ATP2C2: variants seen among roughly 807,000 people sequenced by gnomAD.
The protein encoded by ATP2C2 is ATPase secretory pathway Ca2+ transporting 2, also known as calcium-transporting ATPase type 2C member 2.
In ATP2C2, 171 loss-of-function variants were observed where a neutral mutation model predicts 110.8. The observed-to-expected ratio is 1.54, with a 90% CI of 1.36 to 1.75. The LOEUF (loss-of-function observed/expected upper bound fraction) is 1.75, where lower values mean the gene tolerates loss of function less well. Ranked by LOEUF, ATP2C2 falls within the 40% of genes most tolerant of loss-of-function variation. The pLI, the probability that ATP2C2 is intolerant of heterozygous loss-of-function variation, is 0.00. For synonymous variants in ATP2C2, 804 were observed against 508.4 expected (o/e 1.58, Z -7.82); for missense variants, 1,963 against 1,235.0 (o/e 1.59, Z -8.84).
At chr16:84,413,877 G>A (rs952026101) in intron 6 of ATP2C2, among the ~76,000 whole-genome samples, 1 of 152,132 alleles carries the variant, frequency 6.6e-6, no homozygotes, top group Non-Finnish European at 1.5e-5. Context: ...AGGGCACTGA[G>A]GTTATACAAG....
intron 21 of ATP2C2, 116 bp from the exon 22 acceptor site, chr16:84,459,004 G>C: frequency 8.8e-7 from 1 of 1,136,456 alleles, no homozygotes; most frequent in South Asian, 1.3e-5. Context: ...AACCAGCAGG[G>C]GCCCAAGTAT....
intron 1 of ATP2C2, among the ~76,000 whole-genome samples, chr16:84,371,239 G>A (rs4782617): frequency 0.052 from 7,905 of 152,226 alleles, 280 homozygotes; most frequent in Middle Eastern, 0.12. Flanking sequence ...TGTTTGAGCC[G>A]GGCGCAGTGG....
At chr16:84,459,704 C>A in intron 23 of ATP2C2, 1 of 923,014 alleles carries the variant, frequency 1.1e-6, no homozygotes, top group Non-Finnish European at 1.6e-6. Flanking sequence ...GGAAGTCTTC[C>A]CTGATTGCAC....
At chr16:84,382,679 A>T (rs1019701985) in intron 1 of ATP2C2, among the ~76,000 whole-genome samples, 2 of 152,290 alleles carry the variant, frequency 1.3e-5, no homozygotes, top group South Asian at 2.1e-4. Context: ...GGATCACTTG[A>T]GGTCAAAAGT....
At chr16:84,429,750 G>A (rs1389804258) in intron 11 of ATP2C2, among the ~76,000 whole-genome samples, 2 of 152,114 alleles carry the variant, frequency 1.3e-5, no homozygotes, top group Non-Finnish European at 2.9e-5. Flanking sequence ...ATGTGATGAG[G>A]CCTTGGAGGA....
At chr16:84,405,405 A>G (rs1425519450) in intron 3 of ATP2C2, among the ~76,000 whole-genome samples, 161 bp downstream of exon 3, 1 of 151,032 alleles carries the variant, frequency 6.6e-6, no homozygotes, top group Non-Finnish European at 1.5e-5. Context: ...CAAATCACCA[A>G]CTCCCAGGCA....
intron 1 of ATP2C2, among the ~76,000 whole-genome samples, chr16:84,393,765 G>T (rs1408556640): frequency 1.3e-5 from 2 of 151,748 alleles, no homozygotes; most frequent in African/African-American, 4.8e-5. Flanking sequence ...GGGGTGGAGG[G>T]GGCTGTGACC....
chr16:84,374,361 C>G (rs1910133829), intron 1 of ATP2C2, among the ~76,000 whole-genome samples: 1 of 152,188 alleles, frequency 6.6e-6, no homozygotes, highest in Admixed American at 6.5e-5. Context: ...TGATGGTTGT[C>G]ATGGATGCAA....
intron 10 of ATP2C2, among the ~76,000 whole-genome samples, chr16:84,423,561 C>T (rs751043834): frequency 1.8e-4 from 27 of 152,208 alleles, no homozygotes; most frequent in African/African-American, 3.6e-4. Context: ...CTGGATAGCT[C>T]GCCTACAAAC....
intron 1 of ATP2C2, among the ~76,000 whole-genome samples, chr16:84,395,156 T>C (rs1434412122): frequency 1.3e-5 from 2 of 152,182 alleles, no homozygotes; most frequent in East Asian, 1.9e-4. Context: ...TGGGAGTGTG[T>C]AGGTGGCTTT....
At chr16:84,379,201 T>C (rs1278325915) in intron 1 of ATP2C2, among the ~76,000 whole-genome samples, 1 of 142,922 alleles carries the variant, frequency 7.0e-6, no homozygotes, top group Non-Finnish European at 1.5e-5. Flanking sequence ...TTTCCTTTCC[T>C]GATAGGGTCT....
intron 1 of ATP2C2, among the ~76,000 whole-genome samples, chr16:84,397,655 C>CAATAAAAAAAAAAAAAA (rs1905070298): frequency 1.6e-5 from 1 of 63,512 alleles, no homozygotes; most frequent in African/African-American, 4.4e-5. Context: ...GCCTGGGTGA[C>CAATAAAAAAAAAAAAAA]AAAAAAAAAA....
chr16:84,404,215 A>G (rs1905550425), intron 2 of ATP2C2, among the ~76,000 whole-genome samples: 1 of 152,188 alleles, frequency 6.6e-6, no homozygotes, highest in African/African-American at 2.4e-5. Flanking sequence ...CTTCCCCCAG[A>G]TTATAGGGTG....
intron 17 of ATP2C2, among the ~76,000 whole-genome samples, chr16:84,449,242 C>A (rs1013223842): frequency 1.3e-5 from 2 of 152,228 alleles, no homozygotes; most frequent in African/African-American, 4.8e-5. Flanking sequence ...GCCTTACTGG[C>A]TCAGGAGCCT....
chr16:84,414,096 A>T (rs1408887954), intron 6 of ATP2C2, among the ~76,000 whole-genome samples: 1 of 152,218 alleles, frequency 6.6e-6, no homozygotes, highest in African/African-American at 2.4e-5. Context: ...ATAGCTGTCG[A>T]TCAGGCTGAC....
rs759532762 is a variant in ATP2C2 at position 84,453,396 on chromosome 16, G to C, written c.1980+25G>C. The stretch of plus-strand genomic sequence containing the variant: ...GGTTCGCTGGGCAAGGCAGGCACAG[G>C]CTGCGCTGCTGGGGCCGGGCCAGAG... On this transcript the variant is annotated intron_variant, in intron 20 of 26. Coordinates refer to ENST00000262429, the MANE Select transcript of ATP2C2 (RefSeq NM_014861.4). The C allele has an allele frequency of 4.3e-6, 7 of 1,613,820 alleles. No individual in the cohort carries two copies. In the South Asian group the frequency reaches 7.7e-5, roughly 18 times the overall value.
At chr16:84,385,658 C>A (rs1409375779) in intron 1 of ATP2C2, among the ~76,000 whole-genome samples, 1 of 152,208 alleles carries the variant, frequency 6.6e-6, no homozygotes, top group South Asian at 2.1e-4. Context: ...TTCCGCATGT[C>A]TGGGGAGGCC....
intron 12 of ATP2C2, 56 bp from the exon 13 acceptor site, chr16:84,439,371 T>C: frequency 6.2e-7 from 1 of 1,610,334 alleles, no homozygotes; most frequent in Non-Finnish European, 8.5e-7. Flanking sequence ...GCCTGGGGGT[T>C]TCACAAGCCT....
chr16:84,444,874 A>G (rs1388387656), intron 15 of ATP2C2, among the ~76,000 whole-genome samples: 1 of 152,176 alleles, frequency 6.6e-6, no homozygotes, highest in Non-Finnish European at 1.5e-5. Context: ...TGTGGTTCTT[A>G]CCTGTCTCAC....
Sources: gnomAD v4.1 joint callset for allele counts (sites outside exome capture counted in the v4.1 genomes callset) on GRCh38, gnomAD v4.1.1 for gene constraint, MANE v1.5 for transcripts, NCBI Gene and HGNC (gene_info 2026-07-23, HGNC 2026-07-21) for gene names.